The following CABLES1 variants were observed in gnomAD, a reference collection of about 807,000 sequenced individuals.
CABLES1 encodes the protein Cdk5 and Abl enzyme substrate 1.
Under a neutral mutation model 57.8 loss-of-function variants are expected in CABLES1, and 36 were observed. The observed-to-expected ratio is 0.62, with a 90% confidence interval of 0.48 to 0.82. The LOEUF is 0.82. CABLES1 is among the 40% of genes least tolerant of loss of function. The pLI is 0.00. For synonymous variants in CABLES1, 374 were observed against 363.0 expected, an observed-to-expected ratio of 1.03 and a Z score of -0.35; for missense variants, 767 against 836.6, an observed-to-expected ratio of 0.92 and a Z score of 1.03.
At chr18:23,222,033 CA>C (rs1307238991) in intron 4 of CABLES1, among the ~76,000 whole-genome samples, 7 of 152,142 alleles carry the variant, frequency 4.6e-5, no homozygotes, top group Admixed American at 3.3e-4. Flanking sequence ...CATAGATGTC[CA>C]AACGGATTTC....
intron 1 of CABLES1, among the ~76,000 whole-genome samples, chr18:23,159,385 T>C (rs2046987456): frequency 6.6e-6 from 1 of 152,276 alleles, no homozygotes; most frequent in Non-Finnish European, 1.5e-5. Context: ...TGTCTTCATA[T>C]TAAGCTTTGC....
chr18:23,258,310 G>GCTAT lies in CABLES1; in HGVS notation c.*948_*951dup, dbSNP rs987314862. 2.6e-5 allele frequency: 4 copies of GCTAT among 152,646 alleles called. No homozygotes were observed. Among genetic ancestry groups the GCTAT allele is most frequent in the African/African-American group, 9.6e-5 (4 of 41,462 alleles). 9.5% of individuals were successfully genotyped at this position (152,646 alleles called of 1,614,324 possible). On this transcript the variant is annotated 3_prime_UTR_variant, in exon 10 of 10. Transcript: ENST00000256925. ...AGTGCATCAGAAGCACATTTACTGTGCTATCTATATCGCTATATAAAAGTG... is the reference window on the plus strand; with the variant it reads ...AGTGCATCAGAAGCACATTTACTGTGCTATCTATCTATATCGCTATATAAAAGTG...
chr18:23,201,618 G>A (rs932551668), intron 3 of CABLES1, among the ~76,000 whole-genome samples: 1 of 152,204 alleles, frequency 6.6e-6, no homozygotes, highest in Non-Finnish European at 1.5e-5. Flanking sequence ...TGACTCTCCA[G>A]ATACAAGGTG....
In CABLES1 at chr18:23,139,403, C is replaced by CAAAAAA. The variant is rs61297552; in HGVS notation, c.845+2812_845+2817dup. Among the ~76,000 whole-genome samples the CAAAAAA allele has an allele frequency of 3.6e-5, 4 of 111,172 alleles. 1 individual carries two copies. 72.9% of individuals were successfully genotyped at this position (111,172 alleles called of 152,430 possible). On this transcript the variant is annotated intron_variant, in intron 1 of 9. Coordinates refer to ENST00000256925, the MANE Select transcript of CABLES1 (RefSeq NM_001100619.3). ...GGGCAACAAGAGTGAAACTCCATCT[C>CAAAAAA]AAAAAAAAAAAAAAAAAAAAATTAG...
chr18:23,148,449 T>G (rs1464977184), intron 1 of CABLES1, among the ~76,000 whole-genome samples: 2 of 152,200 alleles, frequency 1.3e-5, no homozygotes, highest in African/African-American at 4.8e-5. Context: ...CTCCTCTCCT[T>G]GACCCCATGG....
At chr18:23,138,137 G>A (rs900865164) in intron 1 of CABLES1, among the ~76,000 whole-genome samples, 1 of 152,174 alleles carries the variant, frequency 6.6e-6, no homozygotes, top group Non-Finnish European at 1.5e-5. Flanking sequence ...GTTATTCTAA[G>A]CCAGTGTGCA....
chr18:23,219,488 C>T (rs1176686730), intron 4 of CABLES1, among the ~76,000 whole-genome samples: 2 of 152,198 alleles, frequency 1.3e-5, no homozygotes, highest in Non-Finnish European at 2.9e-5. Flanking sequence ...AGGATGCCAG[C>T]GGATGATCCA....
intron 3 of CABLES1, among the ~76,000 whole-genome samples, chr18:23,201,158 T>G (rs1474744474): frequency 6.6e-6 from 1 of 152,226 alleles, no homozygotes. Flanking sequence ...AGAAATGTAA[T>G]TCAGGTGGAC....
At chr18:23,251,418 T>C (rs888691665) in intron 7 of CABLES1, among the ~76,000 whole-genome samples, 1 of 151,986 alleles carries the variant, frequency 6.6e-6, no homozygotes, top group Non-Finnish European at 1.5e-5. Flanking sequence ...GCCACTGTAC[T>C]CCAGCTTGGG....
intron 1 of CABLES1, among the ~76,000 whole-genome samples, chr18:23,148,951 G>A (rs1338940503): frequency 1.3e-5 from 2 of 151,698 alleles, no homozygotes; most frequent in African/African-American, 2.4e-5. Context: ...GTGCAGTGGC[G>A]TGATCTCAGT....
intron 1 of CABLES1, among the ~76,000 whole-genome samples, chr18:23,171,078 G>A (rs1311710251): frequency 6.6e-6 from 1 of 152,250 alleles, no homozygotes; most frequent in Admixed American, 6.5e-5. Context: ...TTGTAGGCGT[G>A]AGCCACTGCG....
At chr18:23,247,776 AGACAGGAGGCCAG>A (rs1438678428) in intron 7 of CABLES1, among the ~76,000 whole-genome samples, 16 of 152,362 alleles carry the variant, frequency 1.1e-4, no homozygotes, top group African/African-American at 3.8e-4. Flanking sequence ...AGAGCACAGC[AGACAGGAGGCCAG>A]GACAGAAGGC....
rs148093870 is a variant in CABLES1 at position 23,183,196 on chromosome 18, C to T, written c.846-5642C>T. Reference sequence around the variant, plus strand: ...CACTTTAGAAATACTGGCCCTCGGGCCTGCCTCTCCCAGTGCTTTGTCACT... The same window carrying T: ...CACTTTAGAAATACTGGCCCTCGGGTCTGCCTCTCCCAGTGCTTTGTCACT... On this transcript the variant is annotated intron_variant, in intron 1 of 9. Transcript: ENST00000256925. Among the ~76,000 whole-genome samples, 458 of 152,348 alleles carry T rather than the reference C, an allele frequency of 3.0e-3. 3 individuals are homozygous for T. Among genetic ancestry groups the T allele is most frequent in the African/African-American group, 0.011 (445 of 41,570 alleles).
At chr18:23,244,563 C>T (rs996842732) in intron 7 of CABLES1, among the ~76,000 whole-genome samples, 3 of 152,212 alleles carry the variant, frequency 2.0e-5, no homozygotes, top group African/African-American at 7.2e-5. Context: ...TAGATTTAGT[C>T]GAGGGCCACC....
At chr18:23,188,325 C>T (rs2047217325) in intron 1 of CABLES1, among the ~76,000 whole-genome samples, 1 of 152,114 alleles carries the variant, frequency 6.6e-6, no homozygotes, top group African/African-American at 2.4e-5. Flanking sequence ...TTTCTTGTTC[C>T]TAGTTGCTTT....
At chr18:23,137,342 G>A (rs1292090036) in intron 1 of CABLES1, among the ~76,000 whole-genome samples, 1 of 152,202 alleles carries the variant, frequency 6.6e-6, no homozygotes, top group Non-Finnish European at 1.5e-5. Flanking sequence ...CTGGACGTTT[G>A]CTTATTGTTC....
intron 1 of CABLES1, among the ~76,000 whole-genome samples, chr18:23,187,531 C>T (rs529481353): frequency 2.3e-3 from 345 of 152,296 alleles, no homozygotes; most frequent in Non-Finnish European, 3.5e-3. Flanking sequence ...GGACTACAGG[C>T]GCCCGCCACC....
chr18:23,227,967 C>T (rs975263100), intron 4 of CABLES1, among the ~76,000 whole-genome samples: 2 of 152,154 alleles, frequency 1.3e-5, no homozygotes, highest in Non-Finnish European at 2.9e-5. Context: ...AGTTCTTGGG[C>T]TTAGAGCACC....
intron 1 of CABLES1, among the ~76,000 whole-genome samples, 177 bp from the exon 2 acceptor site, chr18:23,188,661 G>A (rs1423369122): frequency 1.3e-5 from 2 of 152,156 alleles, no homozygotes; most frequent in Non-Finnish European, 2.9e-5. Flanking sequence ...GATTCAGCCA[G>A]CAAGATGGGC....
Sources: allele counts gnomAD v4.1 joint callset (sites outside exome capture counted in the v4.1 genomes callset), GRCh38; gene constraint gnomAD v4.1.1; transcripts MANE v1.5; gene names NCBI Gene and HGNC (gene_info 2026-07-23, HGNC 2026-07-21).